The following LARP1B variants were observed in gnomAD, a reference collection of about 807,000 sequenced individuals.
LARP1B encodes la-related protein 1B.
In LARP1B, 76 loss-of-function variants were observed where a neutral mutation model predicts 114.2. That is an observed-to-expected ratio of 0.67 (90% CI 0.55 to 0.81). The LOEUF (loss-of-function observed/expected upper bound fraction) is 0.81, where lower values mean the gene tolerates loss of function less well. LARP1B is among the 30% of genes least tolerant of loss of function. LARP1B has a pLI of 0.00. For missense variants in LARP1B, 1,014 were observed against 1,075.8 expected, an observed-to-expected ratio of 0.94 and a Z score of 0.80; for synonymous variants, 345 against 348.0, an observed-to-expected ratio of 0.99 and a Z score of 0.10.
In LARP1B at chr4:128,211,190, T is replaced by C. The variant is rs1758914268; in HGVS notation, c.*1137T>C. On this transcript the variant is annotated 3_prime_UTR_variant, in exon 20 of 20. Transcript: ENST00000326639. ...TTAGAATATAGTTGAAAAGCTGTAA[T>C]ATTCAGTTTTGCTAGTAAAAGACCA... 1 of 929,218 alleles carries C rather than the reference T, an allele frequency of 1.1e-6. No individual in the cohort carries two copies. Among genetic ancestry groups the C allele is most frequent in the African/African-American group, 1.8e-5 (1 of 56,116 alleles). The allele number at this position is 929,218 out of a possible 1,614,324, so 57.6% of individuals were successfully genotyped here.
intron 11 of LARP1B, among the ~76,000 whole-genome samples, chr4:128,142,665 C>T (rs1728563087): frequency 6.6e-6 from 1 of 151,942 alleles, no homozygotes; most frequent in Non-Finnish European, 1.5e-5. Flanking sequence ...TGCGCCACCA[C>T]ACCTGGCTAA....
chr4:128,197,226 T>G (rs1754466860), intron 15 of LARP1B, among the ~76,000 whole-genome samples: 1 of 152,218 alleles, frequency 6.6e-6, no homozygotes, highest in Non-Finnish European at 1.5e-5. Flanking sequence ...TTACCACACA[T>G]GTACACACAA....
intron 11 of LARP1B, among the ~76,000 whole-genome samples, chr4:128,124,228 C>T (rs898905988): frequency 3.3e-5 from 5 of 152,060 alleles, no homozygotes; most frequent in Non-Finnish European, 1.5e-5. Context: ...TAAAAATAAA[C>T]CCACAATAAG....
chr4:128,138,222 TAAC>T (rs1371730944), intron 11 of LARP1B, among the ~76,000 whole-genome samples: 1 of 151,994 alleles, frequency 6.6e-6, no homozygotes, highest in Non-Finnish European at 1.5e-5. Context: ...AAGCTTATCA[TAAC>T]AAAAAAAGAA....
At chr4:128,208,558 A>G (rs1758212649) in intron 19 of LARP1B, among the ~76,000 whole-genome samples, 1 of 152,166 alleles carries the variant, frequency 6.6e-6, no homozygotes, top group South Asian at 2.1e-4. Context: ...TCCTTGCTCT[A>G]TATTTGAGAC....
At chr4:128,200,703 T>A in intron 17 of LARP1B, 38 bp downstream of exon 17, 1 of 1,408,524 alleles carries the variant, frequency 7.1e-7, no homozygotes, top group Non-Finnish European at 9.6e-7. Context: ...GGAGTTTTAT[T>A]ATTTTCTTCT....
In LARP1B at chr4:128,137,753, A is replaced by G. The variant is rs114462888; in HGVS notation, c.1524+15565A>G. Among the ~76,000 whole-genome samples the G allele has an allele frequency of 5.2e-3, 785 of 149,574 alleles. 8 individuals are homozygous for G. Among genetic ancestry groups the G allele is most frequent in the African/African-American group, 0.018 (750 of 40,678 alleles). The stretch of plus-strand genomic sequence containing the variant: ...ATACATACACACATTATATATATAC[A>G]GAAACGTGTGTGTATACATATATAT... On this transcript the variant is annotated intron_variant, in intron 11 of 19. Coordinates refer to ENST00000326639, the MANE Select transcript of LARP1B (RefSeq NM_018078.4).
chr4:128,167,393 T>A (rs1360383592), intron 12 of LARP1B, among the ~76,000 whole-genome samples: 1 of 152,032 alleles, frequency 6.6e-6, no homozygotes, highest in Middle Eastern at 3.2e-3. Flanking sequence ...ATCAGGTCTT[T>A]TGCCCATGTT....
rs895846590 is a variant in LARP1B at position 128,211,544 on chromosome 4, T to C, written c.*1491T>C. 1.7e-5 allele frequency: 16 copies of C among 919,576 alleles called. No homozygotes were observed. The Admixed American group carries it at 9.3e-4, about 53-fold the overall frequency. 57.0% of individuals were successfully genotyped at this position (919,576 alleles called of 1,614,324 possible). ...AATTGCAGAAATAGTCAAATTTGAA[T>C]ATTCAGAAAATAAATTTATTTAGAT... On this transcript the variant is annotated 3_prime_UTR_variant, in exon 20 of 20. Coordinates refer to ENST00000326639, the MANE Select transcript of LARP1B (RefSeq NM_018078.4).
intron 15 of LARP1B, among the ~76,000 whole-genome samples, chr4:128,188,486 C>G (rs950081573): frequency 6.6e-6 from 1 of 152,048 alleles, no homozygotes; most frequent in Non-Finnish European, 1.5e-5. Flanking sequence ...ATTTTTTGTA[C>G]TTGTTTTAGT....
chr4:128,111,873 T>C (rs2149858982), intron 9 of LARP1B, among the ~76,000 whole-genome samples: 1 of 151,426 alleles, frequency 6.6e-6, no homozygotes, highest in South Asian at 2.1e-4. Flanking sequence ...TTTTTTTTAG[T>C]AGAGACGGGG....
intron 11 of LARP1B, among the ~76,000 whole-genome samples, chr4:128,143,277 C>CA (rs910572369): frequency 3.3e-5 from 5 of 151,406 alleles, no homozygotes; most frequent in Non-Finnish European, 7.4e-5. Flanking sequence ...GACTCCGTTT[C>CA]AAAAAAAAGA....
chr4:128,212,307 GA>G (rs1434909071), downstream of LARP1B, among the ~76,000 whole-genome samples: 1 of 152,150 alleles, frequency 6.6e-6, no homozygotes, highest in Non-Finnish European at 1.5e-5. Context: ...GCTAACTGCT[GA>G]CTGTTGAACT....
chr4:128,220,377 A>T (rs1018370985), exon 7 of LARP1B: 2 of 963,596 alleles, frequency 2.1e-6, no homozygotes, highest in African/African-American at 3.5e-5. Context: ...ATAGAGTAAT[A>T]CCTAATTATA....
intron 12 of LARP1B, among the ~76,000 whole-genome samples, chr4:128,166,657 C>T (rs933380375): frequency 1.1e-4 from 16 of 151,692 alleles, no homozygotes; most frequent in African/African-American, 3.9e-4. Flanking sequence ...TCAGGTTGTA[C>T]ATTAGATCTC....
intron 1 of LARP1B, among the ~76,000 whole-genome samples, chr4:128,065,340 CTTTT>C (rs1762358492): frequency 1.2e-3 from 111 of 93,196 alleles, no homozygotes; most frequent in African/African-American, 5.4e-3. Context: ...TCTTTCCTTT[CTTTT>C]CTTTTCTTTT....
intron 11 of LARP1B, among the ~76,000 whole-genome samples, chr4:128,133,237 T>TA (rs1373409113): frequency 6.6e-6 from 1 of 152,180 alleles, no homozygotes; most frequent in Non-Finnish European, 1.5e-5. Flanking sequence ...TTGGAGGTGA[T>TA]AAAAATGTTC....
chr4:128,065,299 T>C (rs1246604414), intron 1 of LARP1B, among the ~76,000 whole-genome samples: 150 of 128,140 alleles, frequency 1.2e-3, no homozygotes, highest in South Asian at 2.8e-3. Flanking sequence ...CTTTCTTTCT[T>C]TCTTTCTTTC....
intron 8 of LARP1B, among the ~76,000 whole-genome samples, chr4:128,101,093 C>G (rs1185389471): frequency 6.7e-6 from 1 of 148,980 alleles, no homozygotes; most frequent in Non-Finnish European, 1.5e-5. Context: ...GCTGGGATTA[C>G]AGGAATGAGC....
Sources: allele counts gnomAD v4.1 joint callset (sites outside exome capture counted in the v4.1 genomes callset), GRCh38; gene constraint gnomAD v4.1.1; transcripts MANE v1.5; gene names NCBI Gene and HGNC (gene_info 2026-07-23, HGNC 2026-07-21).